The following ADAM22 variants were observed in gnomAD, a reference collection of about 807,000 sequenced individuals.
The protein encoded by ADAM22 is ADAM metallopeptidase domain 22.
A neutral mutation model predicts 144.6 loss-of-function variants in ADAM22; 65 were observed. The observed-to-expected ratio is 0.45, with a 90% CI of 0.37 to 0.55. The LOEUF is 0.55. Ranked by LOEUF, ADAM22 falls within the 20% of genes least tolerant of loss-of-function variation. The pLI, the probability that ADAM22 is intolerant of heterozygous loss-of-function variation, is 0.00. For synonymous variants in ADAM22, 391 were observed against 412.6 expected, an observed-to-expected ratio of 0.95 and a Z score of 0.63; for missense variants, 974 against 1,184.9, an observed-to-expected ratio of 0.82 and a Z score of 2.61.
chr7:88,166,831 C>T (rs1456629910), intron 24 of ADAM22, among the ~76,000 whole-genome samples: 1 of 152,022 alleles, frequency 6.6e-6, no homozygotes, highest in Non-Finnish European at 1.5e-5. Context: ...AATGACGTGT[C>T]AAAAGCCATA....
At chr7:88,143,442 T>C (rs1430697563) in intron 15 of ADAM22, among the ~76,000 whole-genome samples, 1 of 152,216 alleles carries the variant, frequency 6.6e-6, no homozygotes, top group Non-Finnish European at 1.5e-5. Context: ...TTTTATTTTC[T>C]TGATGTTTAT....
At chr7:88,059,266 G>A (rs1809109820) in intron 3 of ADAM22, among the ~76,000 whole-genome samples, 1 of 152,138 alleles carries the variant, frequency 6.6e-6, no homozygotes, top group African/African-American at 2.4e-5. Context: ...TCTTCACAGA[G>A]CTTCCAGGAA....
chr7:88,182,476 G>A (rs1370507254), intron 29 of ADAM22, among the ~76,000 whole-genome samples: 1 of 152,072 alleles, frequency 6.6e-6, no homozygotes, highest in Non-Finnish European at 1.5e-5. Flanking sequence ...AGGTCTTCAT[G>A]GCTGCAATCT....
intron 27 of ADAM22, among the ~76,000 whole-genome samples, chr7:88,180,508 T>C (rs1245692004): frequency 6.6e-6 from 1 of 152,092 alleles, no homozygotes; most frequent in Admixed American, 6.6e-5. Flanking sequence ...TTTTCACTGA[T>C]CAGTAGAAGG....
intron 2 of ADAM22, among the ~76,000 whole-genome samples, chr7:87,954,053 G>T (rs1845982262): frequency 6.6e-6 from 1 of 152,006 alleles, no homozygotes; most frequent in Non-Finnish European, 1.5e-5. Flanking sequence ...CGTGAGATGG[G>T]TTTCCTGAAT....
intron 2 of ADAM22, among the ~76,000 whole-genome samples, chr7:87,966,378 T>C (rs775859947): frequency 6.6e-6 from 1 of 152,308 alleles, no homozygotes; most frequent in Non-Finnish European, 1.5e-5. Context: ...ACTTTCAGGA[T>C]TATGTGAGTA....
chr7:88,108,851 C>CA (rs1159561924), intron 5 of ADAM22, among the ~76,000 whole-genome samples: 1 of 152,026 alleles, frequency 6.6e-6, no homozygotes, highest in East Asian at 1.9e-4. Context: ...GACTCCATCT[C>CA]AAAAAAATTA....
intron 25 of ADAM22, among the ~76,000 whole-genome samples, chr7:88,170,640 G>A (rs977068399): frequency 6.6e-6 from 1 of 151,864 alleles, no homozygotes; most frequent in Admixed American, 6.6e-5. Context: ...GTTATCAAAC[G>A]TGATATGTAT....
chr7:88,162,387 A>G (rs1339244511), intron 22 of ADAM22, among the ~76,000 whole-genome samples: 1 of 152,046 alleles, frequency 6.6e-6, no homozygotes, highest in Non-Finnish European at 1.5e-5. Context: ...ATTGAGTACT[A>G]GGCTTAGTAG....
chr7:88,121,397 C>G (rs908307722), intron 7 of ADAM22, among the ~76,000 whole-genome samples: 2 of 151,996 alleles, frequency 1.3e-5, no homozygotes, highest in South Asian at 4.1e-4. Flanking sequence ...ATTGTATTAT[C>G]TATTGCTGTA....
intron 2 of ADAM22, among the ~76,000 whole-genome samples, chr7:87,958,135 G>A (rs961900666): frequency 6.6e-5 from 10 of 151,704 alleles, no homozygotes; most frequent in Admixed American, 2.0e-4. Context: ...ATTCTGTTTC[G>A]CTGTTATAAG....
chr7:87,951,160 A>G (rs1845020989), intron 2 of ADAM22, among the ~76,000 whole-genome samples: 1 of 150,278 alleles, frequency 6.7e-6, no homozygotes, highest in Admixed American at 6.6e-5. Context: ...CCCATTTGTC[A>G]ATTTTGTCTT....
intron 3 of ADAM22, among the ~76,000 whole-genome samples, chr7:88,074,786 T>C (rs539660531): frequency 4.6e-5 from 7 of 152,344 alleles, no homozygotes; most frequent in Admixed American, 3.9e-4. Flanking sequence ...GGCATGGTGC[T>C]TATCATGATG....
intron 30 of ADAM22, 136 bp from the exon 31 acceptor site, chr7:88,192,979 CT>C: frequency 1.0e-6 from 1 of 980,714 alleles, no homozygotes; most frequent in Non-Finnish European, 1.5e-6. Context: ...GACAGAATAT[CT>C]TCCCAGTAGT....
chr7:87,955,937 C>T (rs545235037), intron 2 of ADAM22, among the ~76,000 whole-genome samples: 19 of 152,284 alleles, frequency 1.2e-4, no homozygotes, highest in Admixed American at 5.9e-4. Flanking sequence ...GAGCCAGGTG[C>T]GGGATATAAT....
chr7:88,060,915 C>A (rs1809661030), intron 3 of ADAM22, among the ~76,000 whole-genome samples: 1 of 151,900 alleles, frequency 6.6e-6, no homozygotes, highest in East Asian at 1.9e-4. Context: ...ACCAGCCTGG[C>A]CAACATGGTG....
intron 3 of ADAM22, among the ~76,000 whole-genome samples, chr7:88,009,505 C>G (rs892702618): frequency 1.3e-5 from 2 of 152,072 alleles, no homozygotes; most frequent in Non-Finnish European, 2.9e-5. Context: ...ATATAGAAAT[C>G]AGGCATCATA....
At chr7:88,135,861 T>TA (rs1268107576) in intron 13 of ADAM22, 119 bp from the exon 14 acceptor site, 2 of 720,362 alleles carry the variant, frequency 2.8e-6, no homozygotes, top group African/African-American at 3.6e-5. Context: ...AGAAAGAAGT[T>TA]ACTACTTTTT....
intron 4 of ADAM22, among the ~76,000 whole-genome samples, chr7:88,081,586 A>G (rs1318000991): frequency 6.6e-6 from 1 of 150,630 alleles, no homozygotes. Context: ...GTATATCTAG[A>G]AAACCCCATT....
Sources: allele counts gnomAD v4.1 joint callset (sites outside exome capture counted in the v4.1 genomes callset), GRCh38; gene constraint gnomAD v4.1.1; transcripts MANE v1.5; gene names NCBI Gene and HGNC (gene_info 2026-07-23, HGNC 2026-07-21).